DCTN5: variants seen among roughly 807,000 people sequenced by gnomAD.
DCTN5 encodes dynactin 4.
DCTN5 carries 14 observed loss-of-function variants against 23.5 expected under a neutral mutation model. The observed-to-expected ratio is 0.60, with a 90% CI of 0.39 to 0.93. The LOEUF (loss-of-function observed/expected upper bound fraction) is 0.93. Among genes scored for constraint, DCTN5 ranks in the 40% least tolerant of loss-of-function variants. DCTN5 has a pLI of 0.00. For synonymous variants in DCTN5, 67 were observed against 79.6 expected (o/e 0.84, Z 0.84); for missense variants, 156 against 225.9 (o/e 0.69, Z 1.98).
rs1968054980 is a variant in DCTN5 at position 23,674,109 on chromosome 16, A to AC, written c.*6966dup. The AC allele has an allele frequency of 2.6e-5, 4 of 152,074 alleles. No individual in the cohort carries two copies. Among genetic ancestry groups the AC allele is most frequent in the East Asian group, 3.9e-4 (2 of 5,176 alleles). The allele number at this position is 152,074 out of a possible 1,614,324, so 9.4% of individuals were successfully genotyped here. On this transcript the variant is annotated 3_prime_UTR_variant, in exon 6 of 6. Transcript: ENST00000300087. ...CTCAGATCCTAATTGCCTGGCCCTG[A>AC]CTCTAAGCTGAAACCTGCTACTGTC...
chr16:23,650,676 C>T (rs1423026493), intron 2 of DCTN5: 5 of 1,339,916 alleles, frequency 3.7e-6, no homozygotes, highest in Middle Eastern at 2.3e-4. Flanking sequence ...ATCCACCCTC[C>T]TCTTGGTGGA....
intron 2 of DCTN5, among the ~76,000 whole-genome samples, chr16:23,649,628 A>T (rs1967554489): frequency 6.6e-6 from 1 of 152,070 alleles, no homozygotes; most frequent in South Asian, 2.1e-4. Context: ...GGATCACTTG[A>T]GGGCAGGAGT....
intron 2 of DCTN5, among the ~76,000 whole-genome samples, chr16:23,644,253 G>C (rs147794819): frequency 2.0e-5 from 3 of 150,862 alleles, no homozygotes; most frequent in African/African-American, 7.3e-5. Flanking sequence ...TCAGCCTCCA[G>C]AGTAGCTGGG....
intron 2 of DCTN5, among the ~76,000 whole-genome samples, chr16:23,656,820 A>G (rs145758723): frequency 6.6e-6 from 1 of 151,720 alleles, no homozygotes; most frequent in African/African-American, 2.4e-5. Context: ...GTGAAACCCT[A>G]TCTCTACTAA....
At chr16:23,644,880 A>C (rs1967391621) in intron 2 of DCTN5, among the ~76,000 whole-genome samples, 1 of 147,910 alleles carries the variant, frequency 6.8e-6, no homozygotes, top group Non-Finnish European at 1.5e-5. Flanking sequence ...TCTTGGCTTC[A>C]AGGATTCTCA....
chr16:23,645,293 T>G (rs1967434508), intron 2 of DCTN5, among the ~76,000 whole-genome samples: 1 of 150,856 alleles, frequency 6.6e-6, no homozygotes, highest in Non-Finnish European at 1.5e-5. Context: ...GCCCAGCTAA[T>G]TTTATATTTT....
At chr16:23,651,094 A>G in intron 2 of DCTN5, 1 of 1,337,850 alleles carries the variant, frequency 7.5e-7, no homozygotes, top group Non-Finnish European at 9.6e-7. Flanking sequence ...TGTAGGAGAT[A>G]GCTAAAAAAA....
intron 2 of DCTN5, among the ~76,000 whole-genome samples, chr16:23,654,624 T>C (rs1019043824): frequency 6.6e-6 from 1 of 152,224 alleles, no homozygotes; most frequent in African/African-American, 2.4e-5. Context: ...AAAAAAATTA[T>C]TTCCTTCTAG....
chr16:23,655,144 A>G (rs1385475517), intron 2 of DCTN5, among the ~76,000 whole-genome samples: 1 of 152,176 alleles, frequency 6.6e-6, no homozygotes, highest in Non-Finnish European at 1.5e-5. Context: ...CTTGTTGCAT[A>G]TAGTAGCAGA....
chr16:23,667,118 A>T lies in DCTN5; in HGVS notation c.523A>T (p.Lys175Ter). The change falls in exon 6 of 6, where the codon AAG (lysine) becomes TAG (stop). Residue 175 changes from lysine (K) to a stop codon, truncating the protein, a stop_gained. Transcript: ENST00000300087. LOFTEE classifies it high-confidence loss of function. ...MIDVTKSYYQ[K>*]FLPLTQV ...TGACGTCACCAAGAGCTACTACCAG[A>T]AGTTTTTGCCCCTGACGCAAGTCTA... 1 of 1,612,842 alleles carries T rather than the reference A, an allele frequency of 6.2e-7. No homozygotes were observed. Among genetic ancestry groups the T allele is most frequent in the Non-Finnish European group, 8.5e-7 (1 of 1,179,994 alleles).
intron 2 of DCTN5, among the ~76,000 whole-genome samples, chr16:23,651,323 A>G (rs1450075115): frequency 1.3e-5 from 2 of 152,172 alleles, no homozygotes; most frequent in African/African-American, 4.8e-5. Context: ...TCTGTTTTGA[A>G]TCTGACTTCT....
rs1959233981 is a variant in DCTN5 at position 23,677,188 on chromosome 16, C to G, written c.*10044C>G. Reference sequence around the variant, plus strand: ...GCTGATTTTGCTTCCTAGCCTTTCGCTGTAGTAAAACATAGCCATGAGTAT... The same window carrying G: ...GCTGATTTTGCTTCCTAGCCTTTCGGTGTAGTAAAACATAGCCATGAGTAT... On this transcript the variant is annotated 3_prime_UTR_variant, in exon 6 of 6. Coordinates refer to ENST00000300087, the MANE Select transcript of DCTN5 (RefSeq NM_032486.4). The G allele has an allele frequency of 1.3e-5, 2 of 152,324 alleles. No individual in the cohort carries two copies. Among genetic ancestry groups the G allele is most frequent in the African/African-American group, 4.8e-5 (2 of 41,562 alleles). 9.4% of individuals were successfully genotyped at this position (152,324 alleles called of 1,614,324 possible). A position where few individuals can be genotyped will look rare whatever the true frequency, so the allele number is the denominator to read the frequency against.
chr16:23,665,627 G>A lies in DCTN5; in HGVS notation c.350G>A (p.Gly117Glu), dbSNP rs752808362. The A allele has an allele frequency of 1.6e-5, 25 of 1,610,470 alleles. No individual in the cohort carries two copies. The highest frequency in any genetic ancestry group is 2.0e-5 in the Non-Finnish European group (24 of 1,179,250). The change falls in exon 5 of 6, where the codon GGG becomes GAG. Residue 117 changes from glycine (G) to glutamate (E), a missense_variant and splice_region_variant. Around this residue, in one of 2 missense-constraint regions of DCTN5, gnomAD observed 153 missense variants for 206.8 expected, o/e 0.74. Coordinates refer to ENST00000300087, the MANE Select transcript of DCTN5 (RefSeq NM_032486.4). ...CTATTAACAAGATTTTAATTTCAGG[G>A]GCGCCGATGTGTGTTGAAAGACTGC... ...YVHVGKNCVI[G>E]RRCVLKDCCK...
Position 23,648,628 on chromosome 16 carries a change from G to A in DCTN5, c.117+5605G>A, listed in dbSNP as rs1428940470. Among the ~76,000 whole-genome samples, 6 of 151,938 alleles carry A rather than the reference G, an allele frequency of 3.9e-5. No homozygotes were observed. The South Asian group carries it at 6.2e-4, about 16-fold the overall frequency. ...GCCTCCCAAAGTGCTGGGATTACAG[G>A]TGTGGGCCACCACACCTGGCCCTAT... is the stretch of plus-strand genomic sequence containing the variant. On this transcript the variant is annotated intron_variant, in intron 2 of 5. Coordinates refer to ENST00000300087, the MANE Select transcript of DCTN5 (RefSeq NM_032486.4).
intron 2 of DCTN5, among the ~76,000 whole-genome samples, chr16:23,653,081 G>T (rs1391345578): frequency 1.3e-5 from 2 of 152,198 alleles, no homozygotes; most frequent in Non-Finnish European, 2.9e-5. Context: ...GGTCGAGGCT[G>T]CAGTGAGCCG....
Position 23,641,553 on chromosome 16 carries a change from G to A in DCTN5, c.11G>A (p.Gly4Asp). ...AAGGAGGCGGCGGCCATGGAGTTGGGCGAGCTGCTCTACAACAAGTCTGAG... is the reference window on the plus strand; with the variant it reads ...AAGGAGGCGGCGGCCATGGAGTTGGACGAGCTGCTCTACAACAAGTCTGAG... MEL[G>D]ELLYNKSEYI... is the part of the protein sequence containing the mutation. The change falls in exon 1 of 6, where the codon GGC (glycine) becomes GAC (aspartate). Residue 4 changes from glycine to aspartate, a missense_variant. Gly to Asp is a moderately conservative substitution (Grantham distance 94, BLOSUM62 -1). Coordinates refer to ENST00000300087, the MANE Select transcript of DCTN5 (RefSeq NM_032486.4). The A allele has an allele frequency of 6.2e-7, 1 of 1,614,118 alleles. No homozygotes were observed.
At chr16:23,650,862 A>G in intron 2 of DCTN5, 1 of 1,431,106 alleles carries the variant, frequency 7.0e-7, no homozygotes, top group Non-Finnish European at 9.5e-7. Context: ...AACAATAGAG[A>G]GTGGTGGGGC....
At chr16:23,652,446 C>T (rs72776150) in intron 2 of DCTN5, among the ~76,000 whole-genome samples, 30 of 152,296 alleles carry the variant, frequency 2.0e-4, no homozygotes, top group Non-Finnish European at 4.1e-4. Context: ...CATATAGATT[C>T]TCTTCCTTCT....
rs76003039 is a variant in DCTN5 at position 23,654,993 on chromosome 16, A to G, written c.118-3514A>G. On this transcript the variant is annotated intron_variant, in intron 2 of 5. Transcript: ENST00000300087. ...ATATATACTACATTTTCTTCACTTG[A>G]TCTTAGCCAAAAGGCCAAGAAGTGA... 5.9e-4 allele frequency among the ~76,000 whole-genome samples: 90 copies of G among 152,256 alleles called. No individual in the cohort carries two copies. The East Asian group carries it at 0.015, about 26-fold the overall frequency.
Sources: allele counts gnomAD v4.1 joint callset (sites outside exome capture counted in the v4.1 genomes callset), GRCh38; gene constraint gnomAD v4.1.1; regional missense constraint gnomAD v4.1.1; transcripts MANE v1.5; gene names NCBI Gene and HGNC (gene_info 2026-07-23, HGNC 2026-07-21).